The following PHACTR2 variants were observed in gnomAD, a reference collection of about 807,000 sequenced individuals.
PHACTR2 encodes phosphatase and actin regulator 2.
A neutral mutation model predicts 76.0 loss-of-function variants in PHACTR2; 30 were observed. The observed-to-expected ratio is 0.39, with a 90% CI of 0.30 to 0.54. The LOEUF is 0.54. Ranked by LOEUF, PHACTR2 falls within the 20% of genes least tolerant of loss-of-function variation. PHACTR2 has a pLI of 0.61. For missense variants in PHACTR2, 696 were observed against 781.1 expected (o/e 0.89, Z 1.30); for synonymous variants, 292 against 292.5 (o/e 1.00, Z 0.02).
rs1362001293 is a variant in PHACTR2, at chr6:143,695,724, A to G, written c.47-16292A>G. 6.6e-6 allele frequency among the ~76,000 whole-genome samples: 1 copy of G among 152,234 alleles called. No individual in the cohort carries two copies. The highest frequency in any genetic ancestry group is 1.5e-5 in the Non-Finnish European group (1 of 68,034). On this transcript the variant is annotated intron_variant, in intron 1 of 12. Transcript: ENST00000440869. The surrounding 1 kb of genome is among the most constrained non-coding windows in gnomAD (Gnocchi z 4.4). ...AATCCTCTGGGACTTTGTCATCTAC[A>G]TTGAATTTATAGGTGGTCTTTACTT...
chr6:143,635,918 C>T (rs1776444290), intron 1 of PHACTR2, among the ~76,000 whole-genome samples: 1 of 151,906 alleles, frequency 6.6e-6, no homozygotes, highest in Non-Finnish European at 1.5e-5. Context: ...TTTATTTTTT[C>T]AAAACTGGAC....
chr6:143,615,227 C>A (rs1335637634), intron 1 of PHACTR2, among the ~76,000 whole-genome samples: 1 of 152,120 alleles, frequency 6.6e-6, no homozygotes, highest in Non-Finnish European at 1.5e-5. Flanking sequence ...TGAATCTAGC[C>A]TTTTGTAACA....
chr6:143,756,456 G>A (rs1779299000), intron 4 of PHACTR2, among the ~76,000 whole-genome samples: 1 of 152,170 alleles, frequency 6.6e-6, no homozygotes, highest in Admixed American at 6.5e-5. Context: ...AGCACTTTGG[G>A]AGGCCGAGGC....
In PHACTR2 at chr6:143,593,814, A is replaced by T. The variant is rs9484779; in HGVS notation, c.217+56607A>T. On this transcript the variant is annotated intron_variant, in intron 1 of 11. Transcript: ENST00000367584. ...GGCCCTGTACTGGACACCTTCCTCT[A>T]TGTTATCTCACTTCAAAAACACAAA... is the stretch of plus-strand genomic sequence containing the variant. Among the ~76,000 whole-genome samples the T allele has an allele frequency of 6.7e-3, 1,017 of 152,302 alleles. 14 individuals carry two copies. The highest frequency in any genetic ancestry group is 0.021 in the African/African-American group (861 of 41,548).
At chr6:143,655,152 C>T (rs1198708543) in intron 1 of PHACTR2, among the ~76,000 whole-genome samples, 20 of 123,570 alleles carry the variant, frequency 1.6e-4, no homozygotes, top group Non-Finnish European at 2.8e-4. Context: ...AGTGAAACTC[C>T]GTCTCAAAAA....
chr6:143,553,448 C>A lies in PHACTR2; in HGVS notation c.217+16241C>A, dbSNP rs1775121758. The stretch of plus-strand genomic sequence containing the variant: ...AAGAGGGGAGTTGGTGCATGTAAAC[C>A]CAGCTGGGTTTGTTAACTGGTGCTT... On this transcript the variant is annotated intron_variant, in intron 1 of 11. Coordinates refer to the PHACTR2 transcript ENST00000367584. This position sits in a 1 kb window ranked among gnomAD's most constrained non-coding sequence, Gnocchi z 4.2. Among the ~76,000 whole-genome samples the A allele has an allele frequency of 6.6e-6, 1 of 152,118 alleles. No individual in the cohort carries two copies.
intron 2 of PHACTR2, among the ~76,000 whole-genome samples, chr6:143,734,258 C>T (rs570860651): frequency 6.6e-6 from 1 of 152,310 alleles, no homozygotes; most frequent in Admixed American, 6.5e-5. Flanking sequence ...AGCCCAGCTG[C>T]ACAATAAATG....
At position 143,823,695 on chromosome 6, in the gene PHACTR2, AGT is replaced by A; in HGVS notation, c.*8_*9del. ...CCAGGTTTCATCGTCCATAACGAAG[AGT>A]GAGACTATTTGGAAACAGAGACTGA... On this transcript the variant is annotated 3_prime_UTR_variant, in exon 13 of 13. Coordinates refer to ENST00000440869, the MANE Select transcript of PHACTR2 (RefSeq NM_001100164.2). The surrounding 1 kb of genome is among the most constrained non-coding windows in gnomAD (Gnocchi z 5.7). 1 of 1,610,432 alleles carries A rather than the reference AGT, an allele frequency of 6.2e-7. No homozygotes were observed. Among genetic ancestry groups the A allele is most frequent in the Non-Finnish European group, 8.5e-7 (1 of 1,176,668 alleles).
rs995639772 is a variant in PHACTR2, at chr6:143,722,758, C to G, written c.214+10575C>G. ...GTACCCCTTAACCATCCCTCCTCCC[C>G]ACTACCCTTCCCAGCTTCTGGTAAC... On this transcript the variant is annotated intron_variant, in intron 2 of 12. Transcript: ENST00000440869. The surrounding 1 kb of genome is among the most constrained non-coding windows in gnomAD (Gnocchi z 4.1). Among the ~76,000 whole-genome samples the G allele has an allele frequency of 1.3e-5, 2 of 152,172 alleles. No individual in the cohort carries two copies. The highest frequency in any genetic ancestry group is 4.8e-5 in the African/African-American group (2 of 41,438).
rs2128480306 is a variant in PHACTR2, at chr6:143,791,327, A to G, written c.1845+2417A>G. 6.6e-6 allele frequency among the ~76,000 whole-genome samples: 1 copy of G among 152,166 alleles called. No individual in the cohort carries two copies. Among genetic ancestry groups the G allele is most frequent in the Middle Eastern group, 3.4e-3 (1 of 294 alleles). On this transcript the variant is annotated intron_variant, in intron 11 of 12. Coordinates refer to ENST00000440869, the MANE Select transcript of PHACTR2 (RefSeq NM_001100164.2). The surrounding 1 kb of genome is among the most constrained non-coding windows in gnomAD (Gnocchi z 4.7). ...TAGACTCTCCAGATCATTAATTTTCATCCTTCCTTACTTTCTGATACAAGC... is the reference window on the plus strand; with the variant it reads ...TAGACTCTCCAGATCATTAATTTTCGTCCTTCCTTACTTTCTGATACAAGC...
chr6:143,620,079 G>A (rs768794563), intron 1 of PHACTR2, among the ~76,000 whole-genome samples: 5 of 152,124 alleles, frequency 3.3e-5, no homozygotes, highest in African/African-American at 7.2e-5. Context: ...TGACTGTGAC[G>A]ATAGTTGAAA....
In PHACTR2 at chr6:143,539,068, C is replaced by T. The variant is rs909357686; in HGVS notation, c.217+1861C>T. Among the ~76,000 whole-genome samples the T allele has an allele frequency of 6.6e-6, 1 of 152,110 alleles. No individual in the cohort carries two copies. Among genetic ancestry groups the T allele is most frequent in the African/African-American group, 2.4e-5 (1 of 41,418 alleles). On this transcript the variant is annotated intron_variant, in intron 1 of 11. Coordinates refer to the PHACTR2 transcript ENST00000367584. The surrounding 1 kb of genome is among the most constrained non-coding windows in gnomAD (Gnocchi z 4.3). ...ATTGTAGACAAAGTATAGCTTGCAT[C>T]GCCATTTTTCATTTTCATGGATGGA...
chr6:143,640,519 G>T (rs912812469), intron 1 of PHACTR2, among the ~76,000 whole-genome samples: 2 of 152,206 alleles, frequency 1.3e-5, no homozygotes, highest in African/African-American at 4.8e-5. Flanking sequence ...AGGAGACGAG[G>T]CTGGAAGGTG....
chr6:143,586,103 T>G (rs916721929), intron 1 of PHACTR2, among the ~76,000 whole-genome samples: 1 of 152,202 alleles, frequency 6.6e-6, no homozygotes, highest in Admixed American at 6.5e-5. Flanking sequence ...CCACTCCTGG[T>G]CCACATCAAC....
rs2128433112 is a variant in PHACTR2 at position 143,581,303 on chromosome 6, A to G, written c.217+44096A>G. 6.6e-6 allele frequency among the ~76,000 whole-genome samples: 1 copy of G among 152,308 alleles called. No homozygotes were observed. The highest frequency in any genetic ancestry group is 2.4e-5 in the African/African-American group (1 of 41,572). On this transcript the variant is annotated intron_variant, in intron 1 of 11. Transcript: ENST00000367584. This position sits in a 1 kb window ranked among gnomAD's most constrained non-coding sequence, Gnocchi z 4.5. ...GGGAGGTATGTAGATGACTGTATCAAGTTATCCTCCTGACCGGGCGCAGTG... is the reference window on the plus strand; with the variant it reads ...GGGAGGTATGTAGATGACTGTATCAGGTTATCCTCCTGACCGGGCGCAGTG...
rs1403823208 is a variant in PHACTR2, at chr6:143,775,052, A to C, written c.1589+837A>C. Among the ~76,000 whole-genome samples, 20 of 152,128 alleles carry C rather than the reference A, an allele frequency of 1.3e-4. No individual in the cohort carries two copies. On this transcript the variant is annotated intron_variant, in intron 8 of 12. Coordinates refer to ENST00000440869, the MANE Select transcript of PHACTR2 (RefSeq NM_001100164.2). The surrounding 1 kb of genome is among the most constrained non-coding windows in gnomAD (Gnocchi z 4.4). ...GAACTGTCTAGAATCCCAGAGCAGG[A>C]TTTGGAGGTGGGGGGAAAATTGCTG...
In PHACTR2 at chr6:143,553,722, G is replaced by A. The variant is rs1775125819; in HGVS notation, c.217+16515G>A. ...AGAGGGCTCAGGGGAGCTGACTAGA[G>A]TTTGATCAAGAAAAGAGTCTTGCTG... On this transcript the variant is annotated intron_variant, in intron 1 of 11. Transcript: ENST00000367584. The surrounding 1 kb of genome is among the most constrained non-coding windows in gnomAD (Gnocchi z 4.2). 6.6e-6 allele frequency among the ~76,000 whole-genome samples: 1 copy of A among 152,194 alleles called. No individual in the cohort carries two copies. The highest frequency in any genetic ancestry group is 2.4e-5 in the African/African-American group (1 of 41,440).
chr6:143,667,217 G>A (rs963728786), intron 1 of PHACTR2, among the ~76,000 whole-genome samples: 1 of 152,232 alleles, frequency 6.6e-6, no homozygotes, highest in Admixed American at 6.5e-5. Flanking sequence ...TGAGGCCTCG[G>A]TTCTGTTCCA....
intron 1 of PHACTR2, among the ~76,000 whole-genome samples, chr6:143,612,354 G>A (rs1775992228): frequency 6.6e-6 from 1 of 152,190 alleles, no homozygotes; most frequent in Admixed American, 6.5e-5. Flanking sequence ...TAGCAGCCCA[G>A]GTTGTCATGC....
Sources: gnomAD v4.1 joint callset for allele counts (sites outside exome capture counted in the v4.1 genomes callset) on GRCh38, gnomAD v4.1.1 for gene constraint, Gnocchi (gnomAD v3.1) non-coding constraint, MANE v1.5 for transcripts, NCBI Gene and HGNC (gene_info 2026-07-23, HGNC 2026-07-21) for gene names.